IFITM2: variants seen among roughly 807,000 people sequenced by gnomAD.
The protein encoded by IFITM2 is interferon induced transmembrane protein 2, also known as interferon-induced transmembrane protein 2.
In IFITM2, 3 loss-of-function variants were observed where a neutral mutation model predicts 5.9. The ratio of observed to expected loss-of-function variants is 0.51; its 90% CI spans 0.23 to 1.32. IFITM2 has a LOEUF of 1.32. Ranked by LOEUF, IFITM2 falls within the 40% of genes most tolerant of loss-of-function variation. The pLI is 0.18. For synonymous variants in IFITM2, 76 were observed against 72.4 expected (o/e 1.05, Z -0.25); for missense variants, 159 against 175.9 (o/e 0.90, Z 0.54).
chr11:308,121 G>A lies in IFITM2; in HGVS notation c.-72G>A. ...AATGCCAGGAAGAGGAAACTGTTGA[G>A]AAAACGGAACTACTGGGGAAAGGGA... On this transcript the variant is annotated 5_prime_UTR_variant, in exon 1 of 2. Coordinates refer to ENST00000616316, the MANE Select transcript of IFITM2 (RefSeq NM_006435.3). 6.4e-7 allele frequency: 1 copy of A among 1,574,566 alleles called. No individual in the cohort carries two copies. Among genetic ancestry groups the A allele is most frequent in the South Asian group, 1.2e-5 (1 of 86,062 alleles).
In IFITM2 at chr11:307,949, T is replaced by G; in HGVS notation, c.-244T>G. On this transcript the variant is annotated 5_prime_UTR_variant, in exon 1 of 2. Coordinates refer to ENST00000616316, the MANE Select transcript of IFITM2 (RefSeq NM_006435.3). Reference sequence around the variant, plus strand: ...GGAAGTCTCCAGGACCCCACACCACTAACAAGATGAGACTTGTGCTCCTTT... The same window carrying G: ...GGAAGTCTCCAGGACCCCACACCACGAACAAGATGAGACTTGTGCTCCTTT... The G allele has an allele frequency of 4.6e-6, 2 of 433,004 alleles. No homozygotes were observed. The highest frequency in any genetic ancestry group is 4.0e-5 in the Admixed American group (1 of 25,306). 26.8% of individuals were successfully genotyped at this position (433,004 alleles called of 1,614,324 possible).
intron 1 of IFITM2, chr11:308,792 C>G: frequency 1.4e-6 from 1 of 729,520 alleles, no homozygotes; most frequent in Non-Finnish European, 2.5e-6. Flanking sequence ...GAGAAGGGAA[C>G]TCACAGGTGA....
At position 307,926 on chromosome 11, in the gene IFITM2, A is replaced by C. The variant is rs7481191; in HGVS notation, c.-267A>C. On this transcript the variant is annotated 5_prime_UTR_variant, in exon 1 of 2. Coordinates refer to ENST00000616316, the MANE Select transcript of IFITM2 (RefSeq NM_006435.3). ...GGTGTGGAGACTCCCAACACAGGGG[A>C]AGTCTCCAGGACCCCACACCACTAA... 0.17 allele frequency: 48,328 copies of C among 277,878 alleles called. 9,381 individuals carry two copies. The highest frequency in any genetic ancestry group is 0.99 in the East Asian group (3,217 of 3,252). 17.2% of individuals were successfully genotyped at this position (277,878 alleles called of 1,614,324 possible).
chr11:308,236 A>G lies in IFITM2; in HGVS notation c.44A>G (p.Gln15Arg). The G allele has an allele frequency of 6.2e-7, 1 of 1,614,114 alleles. No individual in the cohort carries two copies. Among genetic ancestry groups the G allele is most frequent in the Non-Finnish European group, 8.5e-7 (1 of 1,180,010 alleles). Residue 15 changes from glutamine to arginine, a missense_variant, in exon 1 of 2, where the codon CAG (glutamine) becomes CGG (arginine). Physicochemically the swap from Gln to Arg is conservative, Grantham distance 43. Transcript: ENST00000616316. ...ACCTTCTCTCCTGTCAACAGCGGCC[A>G]GCCTCCCAACTACGAGATGCTCAAG... ...VQTFSPVNSG[Q>R]PPNYEMLKEE...
intron 1 of IFITM2, chr11:308,733 A>G (rs1161628635): frequency 1.4e-5 from 10 of 715,518 alleles, no homozygotes; most frequent in Non-Finnish European, 2.5e-5. Flanking sequence ...GCCCAGTAAG[A>G]AATTACACCT....
Position 309,074 on chromosome 11 carries a change from A to G in IFITM2, c.308A>G (p.Lys103Arg). 1 of 1,614,230 alleles carries G rather than the reference A, an allele frequency of 6.2e-7. No homozygotes were observed. Among genetic ancestry groups the G allele is most frequent in the African/African-American group, 1.3e-5 (1 of 75,064 alleles). ...GCCCAGGCCTATGCCTCCACCGCCA[A>G]GTGCCTGAACATCTGGGCCCTGATT... ...TGAQAYASTA[K>R]CLNIWALILG... The change falls in exon 2 of 2, where the codon AAG becomes AGG. Residue 103 changes from lysine (K) to arginine (R), a missense_variant. Transcript: ENST00000616316.
Position 307,988 on chromosome 11 carries a change from G to A in IFITM2, c.-205G>A, listed in dbSNP as rs1845985131. ...TTGTGCTCCTTTGGGCTCTAGAGAGGAAGCCCCTCTTAGCCCTCAGCCCCT... is the reference window on the plus strand; with the variant it reads ...TTGTGCTCCTTTGGGCTCTAGAGAGAAAGCCCCTCTTAGCCCTCAGCCCCT... On this transcript the variant is annotated 5_prime_UTR_variant, in exon 1 of 2. Transcript: ENST00000616316. 6.6e-6 allele frequency: 4 copies of A among 609,408 alleles called. No homozygotes were observed. Among genetic ancestry groups the A allele is most frequent in the Non-Finnish European group, 1.1e-5 (4 of 360,892 alleles). 37.8% of individuals were successfully genotyped at this position (609,408 alleles called of 1,614,324 possible).
rs764716422 is a variant in IFITM2, at chr11:309,281, C to T, written c.*116C>T. On this transcript the variant is annotated 3_prime_UTR_variant, in exon 2 of 2. Coordinates refer to ENST00000616316, the MANE Select transcript of IFITM2 (RefSeq NM_006435.3). ...AGGAGCTCTGCCCTTGACCTGTATT[C>T]CACTTACTCCACCTTCCATTCCTCG... 2.5e-6 allele frequency: 4 copies of T among 1,591,468 alleles called. No homozygotes were observed. The highest frequency in any genetic ancestry group is 3.3e-4 in the Middle Eastern group (2 of 6,042).
Position 308,371 on chromosome 11 carries a change from C to A in IFITM2, c.179C>A (p.Ser60Tyr). ...ETSVPDHVVW[S>Y]LFNTLFMNTC... ...TCCGTGCCTGACCATGTGGTCTGGT[C>A]CCTGTTCAACACCCTCTTCATGAAC... Residue 60 changes from serine to tyrosine, a missense_variant, in exon 1 of 2, where the codon TCC becomes TAC. Ser to Tyr is a moderately radical substitution (Grantham distance 144). Coordinates refer to ENST00000616316, the MANE Select transcript of IFITM2 (RefSeq NM_006435.3). The A allele has an allele frequency of 6.2e-7, 1 of 1,613,808 alleles. No individual in the cohort carries two copies. The highest frequency in any genetic ancestry group is 8.5e-7 in the Non-Finnish European group (1 of 1,179,826).
rs949912192 is a variant in IFITM2, at chr11:309,354, C to G, written c.*189C>G. On this transcript the variant is annotated 3_prime_UTR_variant, in exon 2 of 2. Coordinates refer to ENST00000616316, the MANE Select transcript of IFITM2 (RefSeq NM_006435.3). ...TGCATCAGCCCTTTATCCTCACACG[C>G]TTTTCTACAATGGCATTCAATAAAG... The G allele has an allele frequency of 2.4e-5, 34 of 1,438,184 alleles. No homozygotes were observed. In the Admixed American group the frequency reaches 7.3e-4, roughly 31 times the overall value. The allele number at this position is 1,438,184 out of a possible 1,614,324, so 89.1% of individuals were successfully genotyped here.
rs539473601 is a variant in IFITM2, at chr11:309,258, G to C, written c.*93G>C. The C allele has an allele frequency of 6.2e-7, 1 of 1,608,866 alleles. No homozygotes were observed. Among genetic ancestry groups the C allele is most frequent in the African/African-American group, 1.3e-5 (1 of 74,828 alleles). On this transcript the variant is annotated 3_prime_UTR_variant, in exon 2 of 2. Transcript: ENST00000616316. Reference sequence around the variant, plus strand: ...TCCTCGCCCTGCCCCCAGAGGCCAGGAGCTCTGCCCTTGACCTGTATTCCA... The same window carrying C: ...TCCTCGCCCTGCCCCCAGAGGCCAGCAGCTCTGCCCTTGACCTGTATTCCA...
At position 308,204 on chromosome 11, in the gene IFITM2, T is replaced by C. The variant is rs1845987267; in HGVS notation, c.12T>C (p.Ile4=). The change falls in exon 1 of 2, where the codon ATT becomes ATC. Residue 4 remains isoleucine (I), a synonymous_variant. Coordinates refer to ENST00000616316, the MANE Select transcript of IFITM2 (RefSeq NM_006435.3). ...CACCGCTGGTCACCATGAACCACAT[T>C]GTGCAAACCTTCTCTCCTGTCAACA... The part of the protein sequence containing the change: MNH[I]VQTFSPVNSG... 1 of 1,613,880 alleles carries C rather than the reference T, an allele frequency of 6.2e-7. No individual in the cohort carries two copies. The highest frequency in any genetic ancestry group is 1.1e-5 in the South Asian group (1 of 91,086).
At position 308,205 on chromosome 11, in the gene IFITM2, G is replaced by A. The variant is rs1188665350; in HGVS notation, c.13G>A (p.Val5Met). The A allele has an allele frequency of 1.2e-6, 2 of 1,614,122 alleles. No individual in the cohort carries two copies. The highest frequency in any genetic ancestry group is 1.1e-5 in the South Asian group (1 of 91,080). Reference protein sequence around the residue: MNHIVQTFSPVNSGQ... With the variant: MNHIMQTFSPVNSGQ... ...ACCGCTGGTCACCATGAACCACATT[G>A]TGCAAACCTTCTCTCCTGTCAACAG... Residue 5 changes from valine (V) to methionine (M), a missense_variant, in exon 1 of 2, where the codon GTG (valine) becomes ATG (methionine). Coordinates refer to ENST00000616316, the MANE Select transcript of IFITM2 (RefSeq NM_006435.3).
rs879213738 is a variant in IFITM2, at chr11:308,581, T to G, written c.246+143T>G. 3 of 1,296,766 alleles carry G rather than the reference T, an allele frequency of 2.3e-6. No homozygotes were observed. In the South Asian group the frequency reaches 3.7e-5, roughly 16 times the overall value. 80.3% of individuals were successfully genotyped at this position (1,296,766 alleles called of 1,614,324 possible). On this transcript the variant is annotated intron_variant, in intron 1 of 1. Coordinates refer to ENST00000616316, the MANE Select transcript of IFITM2 (RefSeq NM_006435.3). ...TCTGTCCTGTGTGTGCCCACGTCAG[T>G]GGCTTTGTCTGTGTGATCTGTGTGT...
rs1277522688 is a variant in IFITM2 at position 309,367 on chromosome 11, G to A, written c.*202G>A. On this transcript the variant is annotated 3_prime_UTR_variant, in exon 2 of 2. Transcript: ENST00000616316. ...TATCCTCACACGCTTTTCTACAATG[G>A]CATTCAATAAAGTGTATATGTTTCT... is the stretch of plus-strand genomic sequence containing the variant. 10 of 1,372,966 alleles carry A rather than the reference G, an allele frequency of 7.3e-6. No individual in the cohort carries two copies. In the East Asian group the frequency reaches 2.0e-4, roughly 28 times the overall value. 85.0% of individuals were successfully genotyped at this position (1,372,966 alleles called of 1,614,324 possible).
rs762515860 is a variant in IFITM2, at chr11:308,311, C to G, written c.119C>G (p.Pro40Arg). 1 of 1,613,942 alleles carries G rather than the reference C, an allele frequency of 6.2e-7. No individual in the cohort carries two copies. Among genetic ancestry groups the G allele is most frequent in the East Asian group, 2.2e-5 (1 of 44,850 alleles). Residue 40 changes from proline to arginine, a missense_variant, in exon 1 of 2, where the codon CCG (proline) becomes CGG (arginine). Pro to Arg is a moderately radical substitution (Grantham distance 103). Coordinates refer to ENST00000616316, the MANE Select transcript of IFITM2 (RefSeq NM_006435.3). The stretch of plus-strand genomic sequence containing the variant: ...GGGGTGCCCCACAACCCTGCTCCCC[C>G]GATGTCCACCGTGATCCACATCCGC... Reference protein sequence around the residue: ...MLGVPHNPAPPMSTVIHIRSE... With the variant: ...MLGVPHNPAPRMSTVIHIRSE...
intron 1 of IFITM2, 195 bp from the exon 2 acceptor site, chr11:308,818 G>A: frequency 1.3e-6 from 1 of 758,430 alleles, no homozygotes; most frequent in Non-Finnish European, 2.4e-6. Flanking sequence ...CCCCATGGTG[G>A]GGAGAACAGC....
chr11:309,228 T>C lies in IFITM2; in HGVS notation c.*63T>C. ...GACCTGTATCCCACGTACTCTATCT[T>C]CCATTCCTCGCCCTGCCCCCAGAGG... On this transcript the variant is annotated 3_prime_UTR_variant, in exon 2 of 2. Coordinates refer to ENST00000616316, the MANE Select transcript of IFITM2 (RefSeq NM_006435.3). The C allele has an allele frequency of 6.2e-7, 1 of 1,613,514 alleles. No homozygotes were observed. The highest frequency in any genetic ancestry group is 1.3e-5 in the African/African-American group (1 of 75,024).
chr11:308,319 A>G lies in IFITM2; in HGVS notation c.127A>G (p.Thr43Ala). ...CCACAACCCTGCTCCCCCGATGTCCACCGTGATCCACATCCGCAGCGAGAC... is the reference window on the plus strand; with the variant it reads ...CCACAACCCTGCTCCCCCGATGTCCGCCGTGATCCACATCCGCAGCGAGAC... Reference protein sequence around the residue: ...VPHNPAPPMSTVIHIRSETSV... With the variant: ...VPHNPAPPMSAVIHIRSETSV... The change falls in exon 1 of 2, where the codon ACC becomes GCC. Residue 43 changes from threonine to alanine, a missense_variant. Transcript: ENST00000616316. 1 of 1,613,866 alleles carries G rather than the reference A, an allele frequency of 6.2e-7. No individual in the cohort carries two copies. The highest frequency in any genetic ancestry group is 8.5e-7 in the Non-Finnish European group (1 of 1,179,898).
Sources: gnomAD v4.1 joint callset for allele counts on GRCh38, gnomAD v4.1.1 for gene constraint, MANE v1.5 for transcripts, NCBI Gene and HGNC (gene_info 2026-07-23, HGNC 2026-07-21) for gene names.